Variants in NCAN observed in about 807,000 individuals in gnomAD.
The protein encoded by NCAN is neurocan core protein.
NCAN carries 47 observed loss-of-function variants against 121.8 expected under a neutral mutation model. That is an observed-to-expected ratio of 0.39 (90% confidence interval 0.31 to 0.49). The LOEUF is 0.49. Ranked by LOEUF, NCAN falls within the 20% of genes least tolerant of loss-of-function variation. The pLI is 0.92. For synonymous variants in NCAN, 633 were observed against 702.0 expected, an observed-to-expected ratio of 0.90 and a Z score of 1.55; for missense variants, 1,517 against 1,773.4, an observed-to-expected ratio of 0.86 and a Z score of 2.60.
At chr19:19,216,527 G>A (rs1226899802) in intron 1 of NCAN, among the ~76,000 whole-genome samples, 3 of 152,088 alleles carry the variant, frequency 2.0e-5, no homozygotes, top group African/African-American at 4.8e-5. Context: ...GGTAAGGCTG[G>A]TCTCGAACCC....
chr19:19,229,121 T>C (rs2060849099), intron 8 of NCAN, among the ~76,000 whole-genome samples: 1 of 152,152 alleles, frequency 6.6e-6, no homozygotes, highest in Non-Finnish European at 1.5e-5. Flanking sequence ...GGCATAAGAA[T>C]CGCTTGAACC....
intron 8 of NCAN, among the ~76,000 whole-genome samples, chr19:19,231,616 C>T (rs1382998503): frequency 6.6e-6 from 1 of 152,094 alleles, no homozygotes; most frequent in Non-Finnish European, 1.5e-5. Context: ...GCGTGAGCCA[C>T]CGCACCTGGC....
chr19:19,243,828 C>T (rs533157964), intron 12 of NCAN, among the ~76,000 whole-genome samples: 3 of 152,084 alleles, frequency 2.0e-5, no homozygotes, highest in Non-Finnish European at 4.4e-5. Context: ...GAGTTCAAGA[C>T]CAGCCTGGCC....
rs890319091 is a variant in NCAN, at chr19:19,227,934, C to T, written c.2314C>T (p.Gln772Ter). Reference protein sequence around the residue: ...DTAESPTSGLQATVDEVQDPW... With the variant: ...DTAESPTSGL ...AGCAGAAAGCCCCACTTCTGGCTTG[C>T]AGGCCACTGTAGATGAGGTGCAGGA... is the stretch of plus-strand genomic sequence containing the variant. The change falls in exon 8 of 15, where the codon CAG becomes TAG. Residue 772 changes from glutamine to a stop codon, truncating the protein, a stop_gained. Transcript: ENST00000252575. LOFTEE classifies it high-confidence loss of function. The surrounding 1 kb of genome is among the most constrained non-coding windows in gnomAD (Gnocchi z 4.2). 1 of 1,613,546 alleles carries T rather than the reference C, an allele frequency of 6.2e-7. No individual in the cohort carries two copies. Among genetic ancestry groups the T allele is most frequent in the East Asian group, 2.2e-5 (1 of 44,882 alleles).
At chr19:19,224,539 T>C (rs1256853636) in intron 5 of NCAN, 106 bp downstream of exon 5, 6 of 1,440,156 alleles carry the variant, frequency 4.2e-6, no homozygotes, top group Admixed American at 4.1e-5. Context: ...CCCTGTCTTA[T>C]ACCTCCCTAA....
chr19:19,250,005 A>T lies in NCAN; in HGVS notation c.*94A>T. The T allele has an allele frequency of 7.4e-7, 1 of 1,356,742 alleles. No individual in the cohort carries two copies. The highest frequency in any genetic ancestry group is 1.0e-6 in the Non-Finnish European group (1 of 970,398). The allele number at this position is 1,356,742 out of a possible 1,614,324, so 84.0% of individuals were successfully genotyped here. A position where few individuals can be genotyped will look rare whatever the true frequency, so the allele number is the denominator to read the frequency against. On this transcript the variant is annotated 3_prime_UTR_variant, in exon 15 of 15. Transcript: ENST00000252575. ...AACCCAGAGAGAAACAAGAGAGTCCAGAAGTCCCTGAACCCCAAACCACAT... is the reference window on the plus strand; with the variant it reads ...AACCCAGAGAGAAACAAGAGAGTCCTGAAGTCCCTGAACCCCAAACCACAT...
At chr19:19,246,367 G>C (rs2060924534) in intron 13 of NCAN, among the ~76,000 whole-genome samples, 1 of 152,156 alleles carries the variant, frequency 6.6e-6, no homozygotes, top group Non-Finnish European at 1.5e-5. Flanking sequence ...AAATGTCAGT[G>C]CAGCCAGTTC....
chr19:19,238,271 G>A lies in NCAN; in HGVS notation c.3269G>A (p.Arg1090His), dbSNP rs564014772. 8.7e-6 allele frequency: 14 copies of A among 1,614,160 alleles called. No homozygotes were observed. The highest frequency in any genetic ancestry group is 5.5e-5 in the South Asian group (5 of 91,082). ...FCEKDTEGCD[R>H]GWHKFQGHCY... Reference sequence around the variant, plus strand: ...CTCCCAGACACCGAGGGCTGTGACCGCGGCTGGCATAAGTTCCAGGGCCAC... The same window carrying A: ...CTCCCAGACACCGAGGGCTGTGACCACGGCTGGCATAAGTTCCAGGGCCAC... The change falls in exon 11 of 15, where the codon CGC becomes CAC. Residue 1090 changes from arginine to histidine, a missense_variant. Physicochemically the swap from Arg to His is conservative, Grantham distance 29. Transcript: ENST00000252575.
intron 11 of NCAN, 81 bp from the exon 12 acceptor site, chr19:19,240,522 A>AC: frequency 7.3e-7 from 1 of 1,377,904 alleles, no homozygotes. Context: ...CCCACACCCT[A>AC]CCCCACCTCA....
intron 11 of NCAN, among the ~76,000 whole-genome samples, chr19:19,239,273 C>A (rs1445143887): frequency 6.6e-6 from 1 of 151,936 alleles, no homozygotes; most frequent in Non-Finnish European, 1.5e-5. Context: ...AGCCAGAGTC[C>A]CCACTTGTGG....
At chr19:19,218,045 A>C (rs548556531) in intron 2 of NCAN, among the ~76,000 whole-genome samples, 11 of 151,794 alleles carry the variant, frequency 7.2e-5, no homozygotes, top group Admixed American at 3.3e-4. Context: ...GTGGGAGGCC[A>C]AGGTAGGTGG....
rs1334928512 is a variant in NCAN at position 19,225,967 on chromosome 19, T to G, written c.1073-519T>G. 6.6e-6 allele frequency among the ~76,000 whole-genome samples: 1 copy of G among 152,178 alleles called. No homozygotes were observed. The highest frequency in any genetic ancestry group is 6.5e-5 in the Admixed American group (1 of 15,278). ...TCTTTTGAGACAGAGTCTCACTCTG[T>G]CACCCAGGCTGGAGTGCAGTGGTGT... On this transcript the variant is annotated intron_variant, in intron 6 of 14. Coordinates refer to ENST00000252575, the MANE Select transcript of NCAN (RefSeq NM_004386.3). The surrounding 1 kb of genome is among the most constrained non-coding windows in gnomAD (Gnocchi z 4.0).
chr19:19,217,056 G>A (rs370431779), intron 2 of NCAN, 30 bp downstream of exon 2: 53 of 1,305,554 alleles, frequency 4.1e-5, no homozygotes, highest in African/African-American at 7.6e-5. Flanking sequence ...GGGAGAGATT[G>A]GGGTCTAGGG....
In NCAN at chr19:19,252,068, T is replaced by A. The variant is rs1173727145; in HGVS notation, c.*2157T>A. On this transcript the variant is annotated 3_prime_UTR_variant, in exon 15 of 15. Coordinates refer to ENST00000252575, the MANE Select transcript of NCAN (RefSeq NM_004386.3). ...TCCCTTTTGGATGTGCGTGTGTGTC[T>A]GCGTGTGCCATGTGCGTGGCACGCA... is the stretch of plus-strand genomic sequence containing the variant. The A allele has an allele frequency of 6.5e-6, 1 of 152,736 alleles. No individual in the cohort carries two copies. The highest frequency in any genetic ancestry group is 2.4e-5 in the African/African-American group (1 of 41,462). 9.5% of individuals were successfully genotyped at this position (152,736 alleles called of 1,614,324 possible).
At chr19:19,219,361 G>A in intron 3 of NCAN, 45 bp downstream of exon 3, 1 of 1,449,560 alleles carries the variant, frequency 6.9e-7, no homozygotes, top group Non-Finnish European at 9.1e-7. Context: ...GGAGAGGGAG[G>A]GCTGAGCCTG....
In NCAN at chr19:19,224,167, G is replaced by A. The variant is rs2060826469; in HGVS notation, c.622G>A (p.Ala208Thr). ...TGAGGATGGCTTTGACAACTGTGATGCTGGCTGGCTCTCTGACCGCACTGT... is the reference window on the plus strand; with the variant it reads ...TGAGGATGGCTTTGACAACTGTGATACTGGCTGGCTCTCTGACCGCACTGT... Reference protein sequence around the residue: ...AFEDGFDNCDAGWLSDRTVRY... With the variant: ...AFEDGFDNCDTGWLSDRTVRY... The change falls in exon 4 of 15, where the codon GCT becomes ACT. Residue 208 changes from alanine to threonine, a missense_variant. Transcript: ENST00000252575. The A allele has an allele frequency of 1.3e-6, 2 of 1,595,796 alleles. No individual in the cohort carries two copies. Among genetic ancestry groups the A allele is most frequent in the Non-Finnish European group, 1.7e-6 (2 of 1,166,296 alleles).
chr19:19,213,819 C>T (rs867802855), intron 1 of NCAN, among the ~76,000 whole-genome samples: 1 of 152,058 alleles, frequency 6.6e-6, no homozygotes, highest in Non-Finnish European at 1.5e-5. Flanking sequence ...AGGGGAAGCC[C>T]GGGATGATGA....
At chr19:19,248,639 A>C in intron 13 of NCAN, 61 bp from the exon 14 acceptor site, 1 of 1,526,898 alleles carries the variant, frequency 6.5e-7, no homozygotes, top group Non-Finnish European at 9.0e-7. Flanking sequence ...AACAACAACA[A>C]CAACAACTAG....
Position 19,245,411 on chromosome 19 carries a change from T to C in NCAN, c.3591T>C (p.Asp1197=), listed in dbSNP as rs1173904447. 5.6e-6 allele frequency: 9 copies of C among 1,614,122 alleles called. No homozygotes were observed. The highest frequency in any genetic ancestry group is 7.6e-6 in the Non-Finnish European group (9 of 1,180,044). The stretch of plus-strand genomic sequence containing the variant: ...CGCATGAAAGCGGGCGCTGGAACGA[T>C]GTCCCCTGCAACTACAACCTACCCT... The part of the protein sequence containing the change: ...MVAHESGRWN[D]VPCNYNLPYV... The change falls in exon 13 of 15, where the codon GAT becomes GAC. Residue 1197 remains aspartate, a synonymous_variant. Coordinates refer to ENST00000252575, the MANE Select transcript of NCAN (RefSeq NM_004386.3).
Sources: allele counts gnomAD v4.1 joint callset (sites outside exome capture counted in the v4.1 genomes callset), GRCh38; gene constraint gnomAD v4.1.1; non-coding constraint Gnocchi (gnomAD v3.1); transcripts MANE v1.5; gene names NCBI Gene and HGNC (gene_info 2026-07-23, HGNC 2026-07-21).